The following PDE10A variants were observed in gnomAD, a reference collection of about 807,000 sequenced individuals.
PDE10A encodes phosphodiesterase 10A, also known as cAMP and cAMP-inhibited cGMP 3',5'-cyclic phosphodiesterase 10A.
PDE10A carries 39 observed loss-of-function variants against 97.7 expected under a neutral mutation model. The observed-to-expected ratio is 0.40, with a 90% CI of 0.31 to 0.52. The LOEUF is 0.52. PDE10A is among the 20% of genes least tolerant of loss of function. The probability of loss-of-function intolerance (pLI) is 0.56; values close to 1 mark genes in which losing one functional copy is unlikely to be tolerated. For synonymous variants in PDE10A, 371 were observed against 376.8 expected (o/e 0.98, Z 0.18); for missense variants, 731 against 1,047.8 (o/e 0.70, Z 4.17).
At chr6:165,577,435 T>TG (rs1315661137) in intron 1 of PDE10A, among the ~76,000 whole-genome samples, 2 of 152,142 alleles carry the variant, frequency 1.3e-5, no homozygotes, top group Non-Finnish European at 2.9e-5. Flanking sequence ...CAAGAAACTC[T>TG]GGGAAGTCTT....
At chr6:165,425,464 C>T (rs58254626) in intron 10 of PDE10A, among the ~76,000 whole-genome samples, 43,381 of 151,706 alleles carry the variant, frequency 0.29, 6,374 homozygotes, top group East Asian at 0.43. Flanking sequence ...CACTGATGCA[C>T]AAAAATTGAC....
intron 9 of PDE10A, 110 bp from the exon 10 acceptor site, chr6:165,428,819 G>A (rs1789347855): frequency 1.4e-5 from 7 of 506,682 alleles, no homozygotes; most frequent in South Asian, 3.2e-5. Context: ...AAACCATAAA[G>A]ATAAATGTCA....
chr6:165,709,601 CTGTG>C (rs150727927), intron 1 of PDE10A, among the ~76,000 whole-genome samples: 8 of 31,144 alleles, frequency 2.6e-4, no homozygotes, highest in Non-Finnish European at 3.2e-4. Flanking sequence ...CTCCATGCTG[CTGTG>C]CTCCCTCCAC....
chr6:165,795,616 G>A (rs774061006), intron 1 of PDE10A, among the ~76,000 whole-genome samples: 10 of 152,058 alleles, frequency 6.6e-5, no homozygotes, highest in Non-Finnish European at 1.3e-4. Context: ...CAGCAGACGC[G>A]GTGGTAGGTG....
chr6:165,563,753 T>C (rs1784638471), intron 1 of PDE10A, among the ~76,000 whole-genome samples: 1 of 151,910 alleles, frequency 6.6e-6, no homozygotes, highest in African/African-American at 2.4e-5. Context: ...TAGCCAGACA[T>C]GGTGGTGTGT....
chr6:165,330,299 C>T lies in PDE10A; in HGVS notation c.*2726G>A, dbSNP rs1781272110. The T allele has an allele frequency of 1.3e-5, 2 of 152,160 alleles. No homozygotes were observed. Among genetic ancestry groups the T allele is most frequent in the African/African-American group, 2.4e-5 (1 of 41,448 alleles). 9.4% of individuals were successfully genotyped at this position (152,160 alleles called of 1,614,324 possible). ...GTTGTTAGTAAAAACCATCTCTTGG[C>T]TTCTGGTGTCACACTGTTCTTTTAA... On this transcript the variant is annotated 3_prime_UTR_variant, in exon 22 of 22. Transcript: ENST00000539869.
chr6:165,408,232 C>T (rs968496121), intron 13 of PDE10A, among the ~76,000 whole-genome samples: 4 of 152,224 alleles, frequency 2.6e-5, no homozygotes, highest in African/African-American at 9.6e-5. Flanking sequence ...TTAAAAAGCA[C>T]TTCATGCTGC....
intron 1 of PDE10A, among the ~76,000 whole-genome samples, chr6:165,561,871 T>G (rs552339194): frequency 6.6e-6 from 1 of 152,354 alleles, no homozygotes; most frequent in South Asian, 2.1e-4. Flanking sequence ...GCTATCAAAT[T>G]TTAGCATTAT....
At chr6:165,435,441 C>A (rs1453081043) in intron 5 of PDE10A, 64 bp from the exon 6 acceptor site, 3 of 1,350,442 alleles carry the variant, frequency 2.2e-6, no homozygotes, top group Non-Finnish European at 3.0e-6. Context: ...AAAAGACACA[C>A]GTGAATCCTA....
At chr6:165,598,047 C>T (rs749891876) in intron 1 of PDE10A, among the ~76,000 whole-genome samples, 52 of 152,148 alleles carry the variant, frequency 3.4e-4, no homozygotes, top group Non-Finnish European at 6.8e-4. Context: ...CTCAATGCCA[C>T]GAGTCAAGCC....
intron 1 of PDE10A, chr6:165,894,254 G>A (rs1457254458): frequency 2.2e-6 from 1 of 455,132 alleles, no homozygotes; most frequent in Non-Finnish European, 4.4e-6. Context: ...CATGGTGGCA[G>A]GTTTTTCAGT....
intron 1 of PDE10A, among the ~76,000 whole-genome samples, chr6:165,871,588 G>A (rs1194831218): frequency 6.6e-6 from 1 of 152,194 alleles, no homozygotes; most frequent in African/African-American, 2.4e-5. Flanking sequence ...GACTAGTTTA[G>A]GATAAGCTGA....
At chr6:165,513,237 C>T (rs1282405644) in intron 2 of PDE10A, among the ~76,000 whole-genome samples, 1 of 151,890 alleles carries the variant, frequency 6.6e-6, no homozygotes, top group Non-Finnish European at 1.5e-5. Context: ...GAAAAGTATA[C>T]AGTCTTTATA....
At chr6:165,466,921 G>A (rs1398265062) in intron 3 of PDE10A, among the ~76,000 whole-genome samples, 1 of 152,200 alleles carries the variant, frequency 6.6e-6, no homozygotes, top group Non-Finnish European at 1.5e-5. Flanking sequence ...GCTCCAGTTA[G>A]TGAAGTTGTG....
intron 1 of PDE10A, among the ~76,000 whole-genome samples, chr6:165,925,725 A>C (rs566567177): frequency 6.6e-6 from 1 of 152,348 alleles, no homozygotes; most frequent in Non-Finnish European, 1.5e-5. Flanking sequence ...TCATGATGGG[A>C]GATAAAAGCA....
chr6:165,328,573 A>T lies in PDE10A; in HGVS notation c.*4452T>A, dbSNP rs1781171315. Reference sequence around the variant, plus strand: ...TGATTAGTTTTCTCCCACTTGCAGGAAAGAGCACGTAGGCTCTGTACGGCT... The same window carrying T: ...TGATTAGTTTTCTCCCACTTGCAGGTAAGAGCACGTAGGCTCTGTACGGCT... On this transcript the variant is annotated 3_prime_UTR_variant, in exon 22 of 22. Transcript: ENST00000539869. 6.6e-6 allele frequency: 1 copy of T among 152,240 alleles called. No homozygotes were observed. Among genetic ancestry groups the T allele is most frequent in the South Asian group, 2.1e-4 (1 of 4,832 alleles). 9.4% of individuals were successfully genotyped at this position (152,240 alleles called of 1,614,324 possible). A position where few individuals can be genotyped will look rare whatever the true frequency, so the allele number is the denominator to read the frequency against.
At chr6:165,721,400 G>A (rs146374034) in intron 1 of PDE10A, among the ~76,000 whole-genome samples, 1 of 152,194 alleles carries the variant, frequency 6.6e-6, no homozygotes, top group African/African-American at 2.4e-5. Flanking sequence ...CTTCTTATTT[G>A]CTTCAAGGTA....
At chr6:165,796,823 T>A (rs1037730392) in intron 1 of PDE10A, among the ~76,000 whole-genome samples, 11 of 152,140 alleles carry the variant, frequency 7.2e-5, no homozygotes, top group Non-Finnish European at 1.6e-4. Flanking sequence ...CCAGCCCCAC[T>A]TTCCCCCTCA....
intron 13 of PDE10A, among the ~76,000 whole-genome samples, chr6:165,402,148 T>C (rs1583202545): frequency 6.6e-6 from 1 of 152,332 alleles, no homozygotes; most frequent in East Asian, 1.9e-4. Flanking sequence ...ACAAAACTTC[T>C]ACAAGATAGT....
Sources: gnomAD v4.1 joint callset for allele counts (sites outside exome capture counted in the v4.1 genomes callset) on GRCh38, gnomAD v4.1.1 for gene constraint, MANE v1.5 for transcripts, NCBI Gene and HGNC (gene_info 2026-07-23, HGNC 2026-07-21) for gene names.